Variants in VPS35L observed in about 807,000 individuals in gnomAD.
VPS35L encodes the protein VPS35 endosomal protein-sorting factor-like.
A neutral mutation model predicts 133.0 loss-of-function variants in VPS35L; 83 were observed. The ratio of observed to expected loss-of-function variants is 0.62; its 90% CI spans 0.52 to 0.75. The LOEUF (loss-of-function observed/expected upper bound fraction) is 0.75. VPS35L is among the 30% of genes least tolerant of loss of function. The probability of loss-of-function intolerance (pLI) is 0.00; values close to 1 mark genes in which losing one functional copy is unlikely to be tolerated. For synonymous variants in VPS35L, 423 were observed against 449.9 expected, an observed-to-expected ratio of 0.94 and a Z score of 0.76; for missense variants, 1,083 against 1,206.8, an observed-to-expected ratio of 0.90 and a Z score of 1.52.
Position 19,647,858 on chromosome 16 carries a change from G to T in VPS35L, c.2004G>T (p.Glu668Asp). 4 of 1,613,900 alleles carry T rather than the reference G, an allele frequency of 2.5e-6. No individual in the cohort carries two copies. The highest frequency in any genetic ancestry group is 3.4e-6 in the Non-Finnish European group (4 of 1,179,860). The change falls in exon 24 of 31, where the codon GAG (glutamate) becomes GAT (aspartate). Residue 668 changes from glutamate to aspartate, a missense_variant. Coordinates refer to ENST00000417362, the MANE Select transcript of VPS35L (RefSeq NM_020314.7). Reference sequence around the variant, plus strand: ...CCAGGTCGATGTTTTGCAATCTGGAGCCTGTTCTTGTGCAGTTGATTCATG... The same window carrying T: ...CCAGGTCGATGTTTTGCAATCTGGATCCTGTTCTTGTGCAGTTGATTCATG... Reference protein sequence around the residue: ...VESRSMFCNLEPVLVQLIHSV... With the variant: ...VESRSMFCNLDPVLVQLIHSV...
chr16:19,631,600 T>C (rs1168231410), intron 18 of VPS35L, among the ~76,000 whole-genome samples: 1 of 152,254 alleles, frequency 6.6e-6, no homozygotes, highest in African/African-American at 2.4e-5. Flanking sequence ...TTGTTTGATT[T>C]ATATCATTAC....
chr16:19,560,270 TG>T, intron 1 of VPS35L, among the ~76,000 whole-genome samples: 1 of 152,222 alleles, frequency 6.6e-6, no homozygotes, highest in East Asian at 1.9e-4. Context: ...AGGTAAAGGC[TG>T]GCCCAGAGCC....
chr16:19,570,966 C>T (rs963867731), intron 3 of VPS35L, among the ~76,000 whole-genome samples: 7 of 149,860 alleles, frequency 4.7e-5, no homozygotes, highest in Admixed American at 1.3e-4. Flanking sequence ...CTCCACCTCC[C>T]AGGTTCAAGC....
intron 5 of VPS35L, chr16:19,578,347 G>T (rs747962616): frequency 6.8e-6 from 3 of 439,688 alleles, no homozygotes; most frequent in African/African-American, 6.4e-5. Context: ...GCACTCCAGC[G>T]TGGACGACAG....
Position 19,671,916 on chromosome 16 carries a change from C to G in VPS35L, c.2361+2617C>G, listed in dbSNP as rs562917654. Reference sequence around the variant, plus strand: ...TCAGACTCTTGTTAAAATGCAGATTCCTGGGGCCCCTCCCAGAGTCTCACT... The same window carrying G: ...TCAGACTCTTGTTAAAATGCAGATTGCTGGGGCCCCTCCCAGAGTCTCACT... On this transcript the variant is annotated intron_variant, in intron 27 of 30. Transcript: ENST00000417362. 1.9e-3 allele frequency among the ~76,000 whole-genome samples: 284 copies of G among 152,310 alleles called. 1 individual carries two copies. The highest frequency in any genetic ancestry group is 6.6e-3 in the African/African-American group (274 of 41,574).
intron 27 of VPS35L, among the ~76,000 whole-genome samples, chr16:19,675,136 C>A (rs766120468): frequency 6.6e-6 from 1 of 151,838 alleles, no homozygotes; most frequent in Non-Finnish European, 1.5e-5. Context: ...AGTTTTGTGG[C>A]GACAAGGTCT....
At chr16:19,648,050 C>A (rs536710167) in intron 24 of VPS35L, among the ~76,000 whole-genome samples, 168 bp downstream of exon 24, 1 of 152,222 alleles carries the variant, frequency 6.6e-6, no homozygotes, top group African/African-American at 2.4e-5. Flanking sequence ...AACTCCTGGG[C>A]TCAAGCAATT....
In VPS35L at chr16:19,638,540, C is replaced by T. The variant is rs62024067; in HGVS notation, c.1698+884C>T. Reference sequence around the variant, plus strand: ...ATTAGGCACAGTAAGAGACTGACAACAATAGCTAAAATAGAACAGTTATAA... The same window carrying T: ...ATTAGGCACAGTAAGAGACTGACAATAATAGCTAAAATAGAACAGTTATAA... On this transcript the variant is annotated intron_variant, in intron 20 of 30. Coordinates refer to ENST00000417362, the MANE Select transcript of VPS35L (RefSeq NM_020314.7). Among the ~76,000 whole-genome samples the T allele has an allele frequency of 6.6e-3, 1,007 of 152,292 alleles. 8 individuals are homozygous for T. Among genetic ancestry groups the T allele is most frequent in the Middle Eastern group, 0.044 (13 of 294 alleles).
chr16:19,581,762 C>T (rs1971718461), intron 7 of VPS35L, 109 bp downstream of exon 7: 3 of 1,287,166 alleles, frequency 2.3e-6, no homozygotes, highest in Non-Finnish European at 3.2e-6. Context: ...CTTGTTTTCT[C>T]ATCCCTTTCT....
chr16:19,646,099 C>A (rs533160890), intron 23 of VPS35L, among the ~76,000 whole-genome samples: 1 of 152,240 alleles, frequency 6.6e-6, no homozygotes, highest in East Asian at 1.9e-4. Flanking sequence ...TATTAGTTCT[C>A]AAACTCTGCG....
At chr16:19,624,964 C>T (rs560296466) in intron 14 of VPS35L, among the ~76,000 whole-genome samples, 28 of 152,248 alleles carry the variant, frequency 1.8e-4, no homozygotes, top group African/African-American at 6.7e-4. Context: ...CCCCAAACCA[C>T]TGCCCTAAAT....
rs537298679 is a variant in VPS35L, at chr16:19,572,216, G to A, written c.286-903G>A. On this transcript the variant is annotated intron_variant, in intron 3 of 30. Coordinates refer to ENST00000417362, the MANE Select transcript of VPS35L (RefSeq NM_020314.7). ...GGGCGGATCATGAGGTCAGGAATTC[G>A]AGACCAGCCGGACCAACGTGGTGAA... 5.3e-5 allele frequency among the ~76,000 whole-genome samples: 8 copies of A among 152,184 alleles called. No individual in the cohort carries two copies. In the South Asian group the frequency reaches 6.2e-4, roughly 12 times the overall value.
intron 26 of VPS35L, among the ~76,000 whole-genome samples, chr16:19,661,928 T>C (rs1974497411): frequency 6.6e-6 from 1 of 152,214 alleles, no homozygotes; most frequent in African/African-American, 2.4e-5. Context: ...TTTCTAGGAC[T>C]GAACATTTTA....
intron 21 of VPS35L, among the ~76,000 whole-genome samples, chr16:19,641,189 C>G (rs1162766700): frequency 6.6e-6 from 1 of 152,074 alleles, no homozygotes; most frequent in African/African-American, 2.4e-5. Context: ...CTCAGCCTCC[C>G]GAGTAGCTGG....
chr16:19,609,210 C>T (rs1374859978), intron 11 of VPS35L, among the ~76,000 whole-genome samples, 189 bp downstream of exon 11: 1 of 152,188 alleles, frequency 6.6e-6, no homozygotes, highest in African/African-American at 2.4e-5. Flanking sequence ...TCCTAATCCC[C>T]ATATTAGAGA....
At chr16:19,560,418 A>G (rs1482632944) in intron 1 of VPS35L, among the ~76,000 whole-genome samples, 1 of 152,230 alleles carries the variant, frequency 6.6e-6, no homozygotes, top group Non-Finnish European at 1.5e-5. Flanking sequence ...CACATTTGGA[A>G]CAGACTTTCC....
chr16:19,665,809 GTTCCCC>G (rs1399956015), intron 26 of VPS35L, among the ~76,000 whole-genome samples: 1 of 152,184 alleles, frequency 6.6e-6, no homozygotes, highest in Admixed American at 6.5e-5. Flanking sequence ...GTGTGTGAGG[GTTCCCC>G]TTTTCTCCAC....
intron 6 of VPS35L, among the ~76,000 whole-genome samples, chr16:19,580,048 A>G (rs1290021759): frequency 6.6e-6 from 1 of 150,782 alleles, no homozygotes; most frequent in Non-Finnish European, 1.5e-5. Flanking sequence ...AAAAATACAA[A>G]AATTAGCTGG....
In VPS35L at chr16:19,561,202, C is replaced by G. The variant is rs534695454; in HGVS notation, c.18-3649C>G. On this transcript the variant is annotated intron_variant, in intron 1 of 30. Coordinates refer to ENST00000417362, the MANE Select transcript of VPS35L (RefSeq NM_020314.7). Reference sequence around the variant, plus strand: ...GGCTAACACAGTGAAACCCCTATCTCTACTAAAAATACAAAAAAATTAGCC... The same window carrying G: ...GGCTAACACAGTGAAACCCCTATCTGTACTAAAAATACAAAAAAATTAGCC... 3.3e-5 allele frequency among the ~76,000 whole-genome samples: 5 copies of G among 152,154 alleles called. No individual in the cohort carries two copies. In the East Asian group the frequency reaches 9.7e-4, roughly 29 times the overall value.
Sources: gnomAD v4.1 joint callset for allele counts (sites outside exome capture counted in the v4.1 genomes callset) on GRCh38, gnomAD v4.1.1 for gene constraint, MANE v1.5 for transcripts, NCBI Gene and HGNC (gene_info 2026-07-23, HGNC 2026-07-21) for gene names.